Variants in DOCK11 observed in about 807,000 individuals in gnomAD.
DOCK11 encodes the protein dedicator of cytokinesis protein 11.
Under a neutral mutation model 169.1 loss-of-function variants are expected in DOCK11, and 70 were observed. That is an observed-to-expected ratio of 0.41 (90% CI 0.34 to 0.51). DOCK11 has a LOEUF of 0.51. Ranked by LOEUF, DOCK11 falls within the 20% of genes least tolerant of loss-of-function variation. The pLI is 0.10. For synonymous variants in DOCK11, 529 were observed against 541.3 expected (o/e 0.98, Z 0.32); for missense variants, 1,166 against 1,538.8 (o/e 0.76, Z 4.05).
intron 3 of DOCK11, among the ~76,000 whole-genome samples, chrX:118,543,232 G>C (rs2012098546): frequency 8.9e-6 from 1 of 111,769 alleles, no homozygotes; most frequent in Admixed American, 9.5e-5. Flanking sequence ...TGATGATAAA[G>C]CTTAAACATT....
intron 16 of DOCK11, among the ~76,000 whole-genome samples, chrX:118,585,608 G>A (rs1034757675): frequency 7.5e-5 from 8 of 107,350 alleles, no homozygotes; most frequent in African/African-American, 1.4e-4. Context: ...GAGTGGGGGC[G>A]TGGATGCTTT....
At chrX:118,639,689 T>G (rs2015481147) in intron 38 of DOCK11, 112 bp downstream of exon 38, 5 of 813,488 alleles carry the variant, frequency 6.1e-6, no homozygotes, top group Non-Finnish European at 6.8e-6. Flanking sequence ...ACACATTATA[T>G]GCATGTAACA....
chrX:118,661,733 A>T (rs981674163), intron 44 of DOCK11, among the ~76,000 whole-genome samples: 1 of 111,979 alleles, frequency 8.9e-6, no homozygotes, highest in Non-Finnish European at 1.9e-5. Context: ...AGGCAGACAC[A>T]GTAGGAATGT....
intron 6 of DOCK11, among the ~76,000 whole-genome samples, chrX:118,552,037 C>CAA (rs60335385): frequency 0.089 from 6,706 of 75,122 alleles, 861 homozygotes; most frequent in African/African-American, 0.3. Context: ...CACTCTGTCT[C>CAA]AAAAAAAAAA....
At chrX:118,501,175 T>C (rs1228963782) in intron 1 of DOCK11, among the ~76,000 whole-genome samples, 1 of 111,833 alleles carries the variant, frequency 8.9e-6, no homozygotes, top group African/African-American at 3.2e-5. Context: ...TACTTTTAAA[T>C]TTAAATTAAT....
chrX:118,550,465 T>C (rs1158705715), intron 6 of DOCK11, among the ~76,000 whole-genome samples: 1 of 111,914 alleles, frequency 8.9e-6, no homozygotes, highest in Admixed American at 9.5e-5. Context: ...TTAACTGTTA[T>C]TTAGTTCAAC....
chrX:118,532,780 C>CAAA (rs140455489), intron 1 of DOCK11, among the ~76,000 whole-genome samples: 15,037 of 46,471 alleles, frequency 0.32, 2,219 homozygotes, highest in Non-Finnish European at 0.42. Context: ...GACTCTGTCT[C>CAAA]AAAAAAAAAA....
chrX:118,563,624 C>T (rs1171079287), intron 7 of DOCK11, among the ~76,000 whole-genome samples: 4 of 108,858 alleles, frequency 3.7e-5, no homozygotes, highest in Admixed American at 9.9e-5. Flanking sequence ...ACTGGAAGAA[C>T]GAGGCACACA....
chrX:118,519,244 A>G (rs1373032523), intron 1 of DOCK11, among the ~76,000 whole-genome samples: 1 of 111,928 alleles, frequency 8.9e-6, no homozygotes, highest in Non-Finnish European at 1.9e-5. Context: ...GTGGGGGATT[A>G]TGAGTCAGAA....
At chrX:118,649,321 G>A (rs1435534978) in intron 41 of DOCK11, among the ~76,000 whole-genome samples, 194 bp downstream of exon 41, 4 of 111,404 alleles carry the variant, frequency 3.6e-5, no homozygotes, top group Non-Finnish European at 7.5e-5. Flanking sequence ...GAAAAAAATA[G>A]AAGATCTCAA....
At position 118,685,780 on chromosome X, in the gene DOCK11, T is replaced by G; in HGVS notation, c.6195T>G (p.Tyr2065Ter). The change falls in exon 53 of 53, where the codon TAT becomes TAG. Residue 2065 changes from tyrosine (Y) to a stop codon, truncating the protein, a stop_gained. Coordinates refer to ENST00000276202, the MANE Select transcript of DOCK11 (RefSeq NM_144658.4). LOFTEE classifies it high-confidence loss of function. The part of the protein sequence containing the change: ...AISGTSSDRG[Y>*]GSPRYAEV ...GTGGTACATCAAGTGACCGAGGTTA[T>G]GGTTCCCCAAGATACGCTGAAGTGT... is the stretch of plus-strand genomic sequence containing the variant. 1 of 1,211,850 alleles carries G rather than the reference T, an allele frequency of 8.3e-7. No homozygotes were observed. Among genetic ancestry groups the G allele is most frequent in the African/African-American group, 1.7e-5 (1 of 57,929 alleles).
chrX:118,670,311 T>C (rs898391465), intron 45 of DOCK11, among the ~76,000 whole-genome samples: 5 of 111,859 alleles, frequency 4.5e-5, no homozygotes, highest in Non-Finnish European at 9.4e-5. Flanking sequence ...CAAGCTGTTA[T>C]GACTTACGGG....
intron 44 of DOCK11, among the ~76,000 whole-genome samples, chrX:118,658,214 G>A (rs1358296472): frequency 8.9e-6 from 1 of 112,197 alleles, no homozygotes; most frequent in Non-Finnish European, 1.9e-5. Flanking sequence ...GAGGGAAGGA[G>A]CATTAGAGTA....
intron 52 of DOCK11, among the ~76,000 whole-genome samples, chrX:118,683,765 AAATTTTGTTT>A (rs1409913158): frequency 8.9e-6 from 1 of 112,139 alleles, no homozygotes; most frequent in Non-Finnish European, 1.9e-5. Flanking sequence ...TCATTTTATA[AAATTTTGTTT>A]TCCTTTTGAA....
intron 31 of DOCK11, among the ~76,000 whole-genome samples, chrX:118,620,582 A>G (rs975530624): frequency 8.9e-6 from 1 of 112,248 alleles, no homozygotes; most frequent in African/African-American, 3.2e-5. Context: ...ATTATAACAT[A>G]CCTCCACTTA....
intron 34 of DOCK11, among the ~76,000 whole-genome samples, chrX:118,628,789 A>G (rs182746407): frequency 8.8e-6 from 1 of 113,040 alleles, no homozygotes; most frequent in African/African-American, 3.2e-5. Flanking sequence ...GCCTTAAGGC[A>G]GAAAGACCTC....
rs12557487 is a variant in DOCK11, at chrX:118,646,860, A to C, written c.4399-2085A>C. On this transcript the variant is annotated intron_variant, in intron 40 of 52. Coordinates refer to ENST00000276202, the MANE Select transcript of DOCK11 (RefSeq NM_144658.4). ...GATTCCTATATGTGGGTCTAAATTC[A>C]AGGTTCCTAAGAAATAATTTTTAAA... Among the ~76,000 whole-genome samples the C allele has an allele frequency of 0.03, 3,299 of 111,467 alleles. 236 individuals are homozygous for C. The East Asian group carries it at 0.34, about 12-fold the overall frequency.
Position 118,638,113 on chromosome X carries a change from A to G in DOCK11, c.3987A>G (p.Lys1329=), listed in dbSNP as rs780200882. 2 of 1,207,546 alleles carry G rather than the reference A, an allele frequency of 1.7e-6. No individual in the cohort carries two copies. ...TGTTTCACTTTAGATATATGGGGAA[A>G]AGAAACATAGCAAGGTAATTCCCAT... The part of the protein sequence containing the change: ...VCLFHFRYMG[K]RNIARVHDAW... Residue 1329 remains lysine (K), a synonymous_variant, in exon 37 of 53, where the codon AAA becomes AAG. Transcript: ENST00000276202.
At chrX:118,628,323 A>C (rs762725492) in intron 34 of DOCK11, 51 bp downstream of exon 34, 1 of 872,392 alleles carries the variant, frequency 1.1e-6, no homozygotes, top group Admixed American at 2.5e-5. Flanking sequence ...AGCCTGCAAC[A>C]ATTTTTTTAT....
Sources: allele counts gnomAD v4.1 joint callset (sites outside exome capture counted in the v4.1 genomes callset), GRCh38; gene constraint gnomAD v4.1.1; transcripts MANE v1.5; gene names NCBI Gene and HGNC (gene_info 2026-07-23, HGNC 2026-07-21).